Variants in TRIM44 observed in about 807,000 individuals in gnomAD.
TRIM44 encodes tripartite motif-containing protein 44.
A neutral mutation model predicts 37.4 loss-of-function variants in TRIM44; 13 were observed. The ratio of observed to expected loss-of-function variants is 0.35; its 90% confidence interval spans 0.23 to 0.55. The LOEUF (loss-of-function observed/expected upper bound fraction) is 0.55, where lower values mean the gene tolerates loss of function less well. Among genes scored for constraint, TRIM44 ranks in the 20% least tolerant of loss-of-function variants. The pLI is 0.89. For synonymous variants in TRIM44, 175 were observed against 157.2 expected, an observed-to-expected ratio of 1.11 and a Z score of -0.85; for missense variants, 426 against 437.2, an observed-to-expected ratio of 0.97 and a Z score of 0.23.
chr11:35,683,704 A>G (rs1323741877), intron 1 of TRIM44, among the ~76,000 whole-genome samples: 1 of 152,080 alleles, frequency 6.6e-6, no homozygotes, highest in Non-Finnish European at 1.5e-5. Flanking sequence ...TGAGATAAGA[A>G]AATAAATGAA....
chr11:35,797,664 G>T (rs1056132113), intron 4 of TRIM44, among the ~76,000 whole-genome samples: 1 of 152,188 alleles, frequency 6.6e-6, no homozygotes, highest in Non-Finnish European at 1.5e-5. Flanking sequence ...AAAAACATCA[G>T]ACAGCTTCCG....
chr11:35,795,085 G>C (rs944992583), intron 4 of TRIM44, among the ~76,000 whole-genome samples: 1 of 152,082 alleles, frequency 6.6e-6, no homozygotes, highest in Admixed American at 6.5e-5. Flanking sequence ...CTTTGAGGCA[G>C]ACCAGCAAAG....
intron 2 of TRIM44, among the ~76,000 whole-genome samples, chr11:35,699,242 G>A (rs936528484): frequency 2.0e-5 from 3 of 151,994 alleles, no homozygotes; most frequent in Non-Finnish European, 4.4e-5. Flanking sequence ...TTGTTCTTTT[G>A]GCTTAGGATT....
chr11:35,790,294 A>G (rs962354550), intron 4 of TRIM44, among the ~76,000 whole-genome samples: 1 of 152,202 alleles, frequency 6.6e-6, no homozygotes. Flanking sequence ...TTCTAAGTGC[A>G]ACACCTTAGA....
At chr11:35,715,965 G>A (rs1221698332) in intron 2 of TRIM44, among the ~76,000 whole-genome samples, 2 of 152,126 alleles carry the variant, frequency 1.3e-5, no homozygotes, top group Admixed American at 1.3e-4. Context: ...CCACCCTTAT[G>A]ATCCAGTCAT....
rs1161910736 is a variant in TRIM44 at position 35,662,916 on chromosome 11, C to T, written c.-196C>T. The T allele has an allele frequency of 3.3e-6, 3 of 910,148 alleles. No homozygotes were observed. Among genetic ancestry groups the T allele is most frequent in the African/African-American group, 1.7e-5 (1 of 57,226 alleles). 56.4% of individuals were successfully genotyped at this position (910,148 alleles called of 1,614,324 possible). A position where few individuals can be genotyped will look rare whatever the true frequency, so the allele number is the denominator to read the frequency against. On this transcript the variant is annotated 5_prime_UTR_variant, in exon 1 of 5. Coordinates refer to ENST00000299413, the MANE Select transcript of TRIM44 (RefSeq NM_017583.6). ...AGGGACAGAGCGGAGCAGGCCGAGC[C>T]GGCGGAAAGGGTCTTTGCTGCTGCG...
At chr11:35,729,050 T>C (rs1852220296) in intron 3 of TRIM44, among the ~76,000 whole-genome samples, 1 of 152,130 alleles carries the variant, frequency 6.6e-6, no homozygotes, top group South Asian at 2.1e-4. Context: ...AAAGATGGCA[T>C]ACTGATCAGG....
intron 2 of TRIM44, among the ~76,000 whole-genome samples, chr11:35,704,028 T>C (rs976536740): frequency 2.0e-5 from 3 of 152,048 alleles, no homozygotes; most frequent in Non-Finnish European, 4.4e-5. Flanking sequence ...TTTAGACGAA[T>C]GTATAACTAG....
intron 4 of TRIM44, among the ~76,000 whole-genome samples, chr11:35,763,376 C>T (rs1852753087): frequency 6.6e-6 from 1 of 151,948 alleles, no homozygotes. Flanking sequence ...GTGGAGGGAA[C>T]AAGGATACAG....
intron 2 of TRIM44, among the ~76,000 whole-genome samples, chr11:35,695,376 T>C (rs1851684698): frequency 6.6e-6 from 1 of 152,182 alleles, no homozygotes; most frequent in Admixed American, 6.5e-5. Context: ...AGTTCATTCA[T>C]ATTGTGTATC....
chr11:35,730,357 A>G (rs1393883964), intron 3 of TRIM44, among the ~76,000 whole-genome samples: 2 of 152,266 alleles, frequency 1.3e-5, no homozygotes, highest in African/African-American at 2.4e-5. Context: ...TTATAGGACA[A>G]TAATGAAAGA....
chr11:35,809,605 T>G lies in TRIM44; in HGVS notation c.*3220T>G, dbSNP rs1008779879. The G allele has an allele frequency of 1.3e-5, 2 of 152,172 alleles. No individual in the cohort carries two copies. The highest frequency in any genetic ancestry group is 4.8e-5 in the African/African-American group (2 of 41,444). The allele number at this position is 152,172 out of a possible 1,614,324, so 9.4% of individuals were successfully genotyped here. A position where few individuals can be genotyped will look rare whatever the true frequency, so the allele number is the denominator to read the frequency against. On this transcript the variant is annotated 3_prime_UTR_variant, in exon 5 of 5. Coordinates refer to ENST00000299413, the MANE Select transcript of TRIM44 (RefSeq NM_017583.6). Reference sequence around the variant, plus strand: ...AGGTGTTTCTTGGCCTTCAAAGATATAGAACTTTGCAGCAGTAGTAAAAGT... The same window carrying G: ...AGGTGTTTCTTGGCCTTCAAAGATAGAGAACTTTGCAGCAGTAGTAAAAGT...
intron 1 of TRIM44, among the ~76,000 whole-genome samples, chr11:35,681,583 G>A (rs1328251632): frequency 2.0e-5 from 3 of 152,202 alleles, no homozygotes; most frequent in East Asian, 3.9e-4. Context: ...AGATAGCAGG[G>A]GAATCCTACT....
intron 2 of TRIM44, among the ~76,000 whole-genome samples, chr11:35,700,931 T>A (rs1425208557): frequency 1.3e-5 from 2 of 152,254 alleles, no homozygotes; most frequent in African/African-American, 4.8e-5. Flanking sequence ...TAATTAGAGC[T>A]GTTTTATATA....
chr11:35,703,901 C>A (rs896727143), intron 2 of TRIM44, among the ~76,000 whole-genome samples: 5 of 152,208 alleles, frequency 3.3e-5, no homozygotes, highest in African/African-American at 1.2e-4. Context: ...CGGAACAAAG[C>A]TGGATGGAGA....
chr11:35,769,766 A>C (rs1212018606), intron 4 of TRIM44, among the ~76,000 whole-genome samples: 1 of 152,198 alleles, frequency 6.6e-6, no homozygotes, highest in Non-Finnish European at 1.5e-5. Flanking sequence ...TTGGCTCTCA[A>C]TTGATGCTTG....
intron 4 of TRIM44, among the ~76,000 whole-genome samples, chr11:35,779,353 C>T (rs765939543): frequency 6.6e-6 from 1 of 152,144 alleles, no homozygotes; most frequent in Non-Finnish European, 1.5e-5. Flanking sequence ...TCATGTCTTC[C>T]CTTGGCTAGG....
At chr11:35,708,936 G>A (rs555402399) in intron 2 of TRIM44, among the ~76,000 whole-genome samples, 1 of 151,036 alleles carries the variant, frequency 6.6e-6, no homozygotes, top group African/African-American at 2.4e-5. Context: ...AATAAAAAAT[G>A]AAAACACATT....
rs181778868 is a variant in TRIM44, at chr11:35,748,673, G to T, written c.1007+13228G>T. Among the ~76,000 whole-genome samples, 98 of 152,210 alleles carry T rather than the reference G, an allele frequency of 6.4e-4. 1 individual carries two copies. The highest frequency in any genetic ancestry group is 1.0e-4 in the Non-Finnish European group (7 of 67,990). Reference sequence around the variant, plus strand: ...GATATAAACAATTTATAATAAAAAGGAAAATATTTTTTCTAGTAAAACAAG... The same window carrying T: ...GATATAAACAATTTATAATAAAAAGTAAAATATTTTTTCTAGTAAAACAAG... On this transcript the variant is annotated intron_variant, in intron 4 of 4. Transcript: ENST00000299413.
Sources: allele counts gnomAD v4.1 joint callset (sites outside exome capture counted in the v4.1 genomes callset), GRCh38; gene constraint gnomAD v4.1.1; transcripts MANE v1.5; gene names NCBI Gene and HGNC (gene_info 2026-07-23, HGNC 2026-07-21).